Variants in F8 observed in about 807,000 individuals in gnomAD.
The protein encoded by F8 is coagulation factor VIII.
F8 carries 12 observed loss-of-function variants against 140.6 expected under a neutral mutation model. The ratio of observed to expected loss-of-function variants is 0.09; its 90% CI spans 0.05 to 0.14. F8 has a LOEUF of 0.14. F8 is among the 10% of genes least tolerant of loss of function. F8 has a pLI of 1.00. For missense variants in F8, 1,354 were observed against 1,720.7 expected (o/e 0.79, Z 3.77); for synonymous variants, 585 against 614.6 (o/e 0.95, Z 0.71).
At position 154,947,860 on chromosome X, in the gene F8, G is replaced by A; in HGVS notation, c.1951C>T (p.His651Tyr). 8.3e-7 allele frequency: 1 copy of A among 1,211,128 alleles called. No homozygotes were observed. Among genetic ancestry groups the A allele is most frequent in the Non-Finnish European group, 1.1e-6 (1 of 895,051 alleles). The change falls in exon 13 of 26, where the codon CAT becomes TAT. Residue 651 changes from histidine to tyrosine, a missense_variant. Around this residue, in one of 4 missense-constraint regions of F8, gnomAD observed 252 missense variants for 338.5 expected, o/e 0.74. Coordinates refer to ENST00000360256, the MANE Select transcript of F8 (RefSeq NM_000132.4). ...FDSLQLSVCL[H>Y]EVAYWYILSI... ...AGAATGTACCAGTATGCCACCTCAT[G>A]CAAACAAACTGACAACTGCAAACTA...
At chrX:154,965,393 A>G (rs989145639) in intron 9 of F8, among the ~76,000 whole-genome samples, 2 of 111,662 alleles carry the variant, frequency 1.8e-5, no homozygotes, top group Admixed American at 1.9e-4. Context: ...ACCCTTATTT[A>G]TTTAAACCAC....
chrX:154,966,429 T>A lies in F8; in HGVS notation c.1268A>T (p.Asp423Val). ...DYAPLVLAPD[D>V]RSYKSQYLNN... ...CCAATAGTCAAAAAGTGCTTACCTG[T>A]CATCGGGGGCGAGGACTAAGGGAGC... is the stretch of plus-strand genomic sequence containing the variant. The change falls in exon 8 of 26, where the codon GAC becomes GTC. Residue 423 changes from aspartate to valine, a missense_variant. Asp to Val is a radical substitution (Grantham distance 152). This residue lies in a region of F8 where 252 missense variants were observed against 338.5 expected (regional missense o/e 0.74). Coordinates refer to ENST00000360256, the MANE Select transcript of F8 (RefSeq NM_000132.4). The A allele has an allele frequency of 8.3e-7, 1 of 1,211,109 alleles. No individual in the cohort carries two copies. Among genetic ancestry groups the A allele is most frequent in the Non-Finnish European group, 1.1e-6 (1 of 895,253 alleles).
chrX:154,943,796 G>A (rs1557280065), intron 13 of F8, among the ~76,000 whole-genome samples: 1 of 111,680 alleles, frequency 9.0e-6, no homozygotes, highest in East Asian at 2.8e-4. Flanking sequence ...AACCAAAACA[G>A]CATGGTACTG....
intron 13 of F8, among the ~76,000 whole-genome samples, chrX:154,936,941 T>C (rs2073228144): frequency 9.0e-6 from 1 of 111,288 alleles, no homozygotes; most frequent in African/African-American, 3.3e-5. Flanking sequence ...TCGCCATATA[T>C]TGGGAAATTA....
chrX:155,004,915 T>C (rs899708236), intron 1 of F8, among the ~76,000 whole-genome samples: 2 of 111,450 alleles, frequency 1.8e-5, no homozygotes, highest in Non-Finnish European at 3.8e-5. Context: ...CAGTATATAC[T>C]CTAGATCAAT....
chrX:154,892,248 A>G (rs917969609), intron 22 of F8, among the ~76,000 whole-genome samples: 1 of 112,690 alleles, frequency 8.9e-6, no homozygotes, highest in African/African-American at 3.2e-5. Context: ...CTATGCATGC[A>G]TCCTGATTTT....
chrX:154,990,063 C>T (rs1376080216), intron 4 of F8, among the ~76,000 whole-genome samples: 2 of 111,804 alleles, frequency 1.8e-5, no homozygotes, highest in African/African-American at 3.3e-5. Context: ...GGTAACCTAC[C>T]TATATCATTT....
chrX:154,976,698 G>A lies in F8; in HGVS notation c.788-7146C>T, dbSNP rs782758552. Among the ~76,000 whole-genome samples, 66 of 109,487 alleles carry A rather than the reference G, an allele frequency of 6.0e-4. 2 individuals are homozygous for A. The South Asian group carries it at 0.026, about 42-fold the overall frequency. On this transcript the variant is annotated intron_variant, in intron 6 of 25. Coordinates refer to ENST00000360256, the MANE Select transcript of F8 (RefSeq NM_000132.4). ...TCCAAATGTCCAACAATGATAGACTGGATTAAGAAAATGTGGCACATATAC... is the reference window on the plus strand; with the variant it reads ...TCCAAATGTCCAACAATGATAGACTAGATTAAGAAAATGTGGCACATATAC...
Position 154,945,226 on chromosome X carries a change from G to T in F8, c.2113+2472C>A, listed in dbSNP as rs149412370. On this transcript the variant is annotated intron_variant, in intron 13 of 25. Coordinates refer to ENST00000360256, the MANE Select transcript of F8 (RefSeq NM_000132.4). ...ACAAACTATCCCAAAAATCAAGGGG[G>T]AAAAATACTTCCAAACTGATTCCAC... Among the ~76,000 whole-genome samples the T allele has an allele frequency of 4.2e-3, 468 of 110,596 alleles. 1 individual carries two copies. The highest frequency in any genetic ancestry group is 0.014 in the African/African-American group (439 of 30,436).
Position 154,860,526 on chromosome X carries a change from G to T in F8, c.6806C>A (p.Ser2269Tyr), listed in dbSNP as rs2072682533. ...CTTCACATACATGCTGGTAAGCAGA[G>T]ATTTTACTCCCTGAGTAGTTACTCC... ...VTGVTTQGVKSLLTSMYVKEF... is the reference protein window; with the variant it reads ...VTGVTTQGVKYLLTSMYVKEF... Residue 2269 changes from serine (S) to tyrosine (Y), a missense_variant, in exon 25 of 26, where the codon TCT becomes TAT. Coordinates refer to ENST00000360256, the MANE Select transcript of F8 (RefSeq NM_000132.4). The T allele has an allele frequency of 8.3e-7, 1 of 1,210,859 alleles. No individual in the cohort carries two copies. The highest frequency in any genetic ancestry group is 1.7e-5 in the African/African-American group (1 of 57,728).
intron 1 of F8, among the ~76,000 whole-genome samples, chrX:155,011,098 T>C (rs782037431): frequency 1.7e-4 from 19 of 112,420 alleles, no homozygotes; most frequent in African/African-American, 5.5e-4. Context: ...CACAGGATAC[T>C]ATTAGGAAAG....
chrX:154,970,609 G>C (rs988468636), intron 6 of F8, among the ~76,000 whole-genome samples: 8 of 111,535 alleles, frequency 7.2e-5, no homozygotes, highest in African/African-American at 2.6e-4. Flanking sequence ...CCCACTGGAG[G>C]CTGTCATTCC....
intron 13 of F8, among the ~76,000 whole-genome samples, chrX:154,942,919 C>T (rs782796411): frequency 1.6e-4 from 17 of 108,371 alleles, no homozygotes; most frequent in African/African-American, 5.7e-4. Context: ...ACAAAAACCA[C>T]ATGATTATCT....
chrX:155,003,446 A>C (rs371150657), intron 1 of F8, among the ~76,000 whole-genome samples: 47 of 110,636 alleles, frequency 4.2e-4, no homozygotes, highest in African/African-American at 1.4e-3. Flanking sequence ...AAAAACACCA[A>C]CAACAACGGC....
At chrX:154,845,045 A>G (rs1334714346) in intron 25 of F8, among the ~76,000 whole-genome samples, 1 of 111,908 alleles carries the variant, frequency 8.9e-6, no homozygotes, top group African/African-American at 3.3e-5. Flanking sequence ...ATCTATTGAG[A>G]TAATCATGTG....
intron 4 of F8, among the ~76,000 whole-genome samples, chrX:154,987,632 T>A (rs2073566722): frequency 8.9e-6 from 1 of 112,887 alleles, no homozygotes; most frequent in African/African-American, 3.2e-5. Context: ...TTATAGATAA[T>A]TTCTGTTACT....
At chrX:154,946,544 CCTAT>C (rs1272729686) in intron 13 of F8, among the ~76,000 whole-genome samples, 1 of 111,859 alleles carries the variant, frequency 8.9e-6, no homozygotes, top group East Asian at 2.8e-4. Flanking sequence ...AAACTATACC[CCTAT>C]CTCTCACTAT....
At chrX:154,907,067 G>A (rs1356154052) in intron 14 of F8, among the ~76,000 whole-genome samples, 3 of 111,938 alleles carry the variant, frequency 2.7e-5, no homozygotes, top group Non-Finnish European at 5.6e-5. Flanking sequence ...CTCACTGGAT[G>A]TCCCTTTTCA....
chrX:154,896,847 G>T (rs1485120602), intron 21 of F8, among the ~76,000 whole-genome samples: 3 of 112,295 alleles, frequency 2.7e-5, no homozygotes, highest in Admixed American at 9.4e-5. Flanking sequence ...TTATAAGGTT[G>T]CTTTGCTTTT....
Sources: gnomAD v4.1 joint callset for allele counts (sites outside exome capture counted in the v4.1 genomes callset) on GRCh38, gnomAD v4.1.1 for gene constraint, gnomAD v4.1.1 regional missense constraint, MANE v1.5 for transcripts, NCBI Gene and HGNC (gene_info 2026-07-23, HGNC 2026-07-21) for gene names.